Variants in PEPD observed in about 807,000 individuals in gnomAD.
The protein encoded by PEPD is xaa-Pro dipeptidase.
PEPD carries 53 observed loss-of-function variants against 60.7 expected under a neutral mutation model. The observed-to-expected ratio is 0.87, with a 90% confidence interval of 0.70 to 1.10. The LOEUF (loss-of-function observed/expected upper bound fraction) is 1.10. Among genes scored for constraint, PEPD ranks in the 50% least tolerant of loss-of-function variants. The pLI, the probability that PEPD is intolerant of heterozygous loss-of-function variation, is 0.00. For synonymous variants in PEPD, 267 were observed against 284.1 expected (o/e 0.94, Z 0.60); for missense variants, 711 against 711.9 (o/e 1.00, Z 0.01).
intron 7 of PEPD, among the ~76,000 whole-genome samples, chr19:33,468,864 C>T (rs1970069572): frequency 1.3e-5 from 2 of 152,222 alleles, no homozygotes; most frequent in Admixed American, 6.5e-5. Context: ...CTGATGCCGC[C>T]GTATGGCGGG....
intron 7 of PEPD, 149 bp downstream of exon 7, chr19:33,477,897 C>A (rs891756688): frequency 2.9e-6 from 2 of 694,404 alleles, no homozygotes; most frequent in Non-Finnish European, 5.3e-6. Flanking sequence ...CAACAAAGAA[C>A]AAGCAAAACA....
At chr19:33,508,692 C>G (rs1970861602) in intron 3 of PEPD, among the ~76,000 whole-genome samples, 1 of 152,194 alleles carries the variant, frequency 6.6e-6, no homozygotes, top group Admixed American at 6.5e-5. Flanking sequence ...GGGAGAGAAC[C>G]AGGTGGAAGC....
chr19:33,403,989 G>A (rs1333488460), intron 11 of PEPD, among the ~76,000 whole-genome samples: 1 of 152,226 alleles, frequency 6.6e-6, no homozygotes, highest in Non-Finnish European at 1.5e-5. Context: ...GGGAAGGCGG[G>A]GCACATGGAA....
chr19:33,493,169 C>A (rs1970532365), intron 5 of PEPD, 121 bp downstream of exon 5: 1 of 759,354 alleles, frequency 1.3e-6, no homozygotes, highest in Non-Finnish European at 2.4e-6. Context: ...AGCCCCTGGA[C>A]CCAACCCCTC....
chr19:33,500,109 G>C (rs1970681004), intron 4 of PEPD, among the ~76,000 whole-genome samples: 1 of 152,246 alleles, frequency 6.6e-6, no homozygotes, highest in South Asian at 2.1e-4. Context: ...CCTGTCCAAA[G>C]CTGATGCTGC....
At chr19:33,469,726 T>TA (rs1311482432) in intron 7 of PEPD, among the ~76,000 whole-genome samples, 1 of 151,546 alleles carries the variant, frequency 6.6e-6, no homozygotes, top group Non-Finnish European at 1.5e-5. Flanking sequence ...CTTGCCTCCT[T>TA]CTCCTCTTCC....
At chr19:33,423,062 T>A (rs1402194679) in intron 9 of PEPD, among the ~76,000 whole-genome samples, 1 of 148,322 alleles carries the variant, frequency 6.7e-6, no homozygotes, top group Non-Finnish European at 1.5e-5. Context: ...AAGGTGATGA[T>A]CATCTATATC....
At chr19:33,519,706 C>A (rs1212981556) in intron 1 of PEPD, among the ~76,000 whole-genome samples, 1 of 152,190 alleles carries the variant, frequency 6.6e-6, no homozygotes, top group Non-Finnish European at 1.5e-5. Context: ...CTAAGACCTG[C>A]CACTCTGTTT....
chr19:33,413,668 G>C, intron 9 of PEPD, 25 bp from the exon 10 acceptor site: 1 of 1,502,190 alleles, frequency 6.7e-7, no homozygotes. Context: ...ACGCGTCAGG[G>C]TTGGGGCACT....
Position 33,413,584 on chromosome 19 carries a change from A to G in PEPD, c.731T>C (p.Ile244Thr). 3 of 1,572,382 alleles carry G rather than the reference A, an allele frequency of 1.9e-6. No individual in the cohort carries two copies. Among genetic ancestry groups the G allele is most frequent in the South Asian group, 2.3e-5 (2 of 86,024 alleles). Residue 244 changes from isoleucine to threonine, a missense_variant, in exon 10 of 15, where the codon ATC becomes ACC. Transcript: ENST00000244137. Reference protein sequence around the residue: ...GGMRHSSYTCICGSGENSAVL... With the variant: ...GGMRHSSYTCTCGSGENSAVL... ...AGGGTGCCCCGCTTACCTGCCGCAG[A>G]TGCAGGTGTAGGAGCTGTGGCGCAT...
chr19:33,450,344 G>C lies in PEPD; in HGVS notation c.671+12651C>G, dbSNP rs528468425. 6.6e-5 allele frequency among the ~76,000 whole-genome samples: 10 copies of C among 152,356 alleles called. No individual in the cohort carries two copies. The South Asian group carries it at 1.4e-3, about 22-fold the overall frequency. On this transcript the variant is annotated intron_variant, in intron 9 of 14. Coordinates refer to ENST00000244137, the MANE Select transcript of PEPD (RefSeq NM_000285.4). Reference sequence around the variant, plus strand: ...CCCTGCCCAGAAAGGCAGTGAGACAGATCCTCAGGAAATACTGTTACTTCC... The same window carrying C: ...CCCTGCCCAGAAAGGCAGTGAGACACATCCTCAGGAAATACTGTTACTTCC...
At position 33,387,940 on chromosome 19, in the gene PEPD, C is replaced by T. The variant is rs149042427; in HGVS notation, c.1294G>A (p.Ala432Thr). 2,890 of 1,597,014 alleles carry T rather than the reference C, an allele frequency of 1.8e-3. 16 individuals carry two copies. The Middle Eastern group carries it at 0.02, about 11-fold the overall frequency. Residue 432 changes from alanine to threonine, a missense_variant, in exon 14 of 15, where the codon GCC (alanine) becomes ACC (threonine). Coordinates refer to ENST00000244137, the MANE Select transcript of PEPD (RefSeq NM_000285.4). ...LDEALADPAR[A>T]SFLNREVLQR... ...AGGACCTCGCGGTTAAGGAAGGAGG[C>T]GCGGGCCGGGTCCGCCAGGGCCTCA...
intron 3 of PEPD, among the ~76,000 whole-genome samples, chr19:33,505,147 G>C (rs1156502515): frequency 6.6e-6 from 1 of 152,176 alleles, no homozygotes; most frequent in Non-Finnish European, 1.5e-5. Context: ...ACCTGCATGC[G>C]ATTAATGAAT....
intron 3 of PEPD, among the ~76,000 whole-genome samples, chr19:33,508,398 C>T (rs898022990): frequency 6.6e-6 from 1 of 152,244 alleles, no homozygotes; most frequent in Admixed American, 6.5e-5. Flanking sequence ...CAGACCTAAA[C>T]TCTTCGTCAC....
intron 7 of PEPD, among the ~76,000 whole-genome samples, chr19:33,470,444 T>C (rs1933175316): frequency 6.6e-6 from 1 of 152,100 alleles, no homozygotes; most frequent in South Asian, 2.1e-4. Context: ...AACTTGTTCC[T>C]GCCCACCTCT....
chr19:33,390,958 A>G (rs1028606864), intron 13 of PEPD, among the ~76,000 whole-genome samples: 27 of 152,146 alleles, frequency 1.8e-4, no homozygotes, highest in Non-Finnish European at 1.5e-4. Flanking sequence ...ACGTAGCTCC[A>G]TCACGAAGAC....
intron 9 of PEPD, among the ~76,000 whole-genome samples, chr19:33,440,395 C>A (rs1371333414): frequency 6.6e-6 from 1 of 152,144 alleles, no homozygotes; most frequent in East Asian, 1.9e-4. Context: ...AACCCCAGGG[C>A]TACAGGAGCC....
At chr19:33,509,538 C>T (rs1285391638) in intron 3 of PEPD, among the ~76,000 whole-genome samples, 3 of 152,192 alleles carry the variant, frequency 2.0e-5, no homozygotes, top group Non-Finnish European at 2.9e-5. Context: ...GAGGGTAGCA[C>T]TGGAAGCAGG....
At chr19:33,446,086 T>C (rs920753104) in intron 9 of PEPD, among the ~76,000 whole-genome samples, 1 of 152,136 alleles carries the variant, frequency 6.6e-6, no homozygotes, top group Non-Finnish European at 1.5e-5. Context: ...TGCCAAGTCT[T>C]GCCGTAAATC....
Sources: allele counts gnomAD v4.1 joint callset (sites outside exome capture counted in the v4.1 genomes callset), GRCh38; gene constraint gnomAD v4.1.1; transcripts MANE v1.5; gene names NCBI Gene and HGNC (gene_info 2026-07-23, HGNC 2026-07-21).